RALGAPA1: variants seen among roughly 807,000 people sequenced by gnomAD.
RALGAPA1 encodes the protein ral GTPase-activating protein subunit alpha-1.
Under a neutral mutation model 269.6 loss-of-function variants are expected in RALGAPA1, and 52 were observed. The observed-to-expected ratio is 0.19, with a 90% CI of 0.15 to 0.24. The LOEUF (loss-of-function observed/expected upper bound fraction) is 0.24, where lower values mean the gene tolerates loss of function less well. RALGAPA1 is among the 10% of genes least tolerant of loss of function. The probability of loss-of-function intolerance (pLI) is 1.00; values close to 1 mark genes in which losing one functional copy is unlikely to be tolerated. For missense variants in RALGAPA1, 1,917 were observed against 3,013.9 expected, an observed-to-expected ratio of 0.64 and a Z score of 8.52; for synonymous variants, 817 against 1,008.3, an observed-to-expected ratio of 0.81 and a Z score of 3.60.
intron 4 of RALGAPA1, among the ~76,000 whole-genome samples, chr14:35,765,617 C>T (rs1436511925): frequency 2.0e-5 from 3 of 152,136 alleles, no homozygotes; most frequent in African/African-American, 7.2e-5. Context: ...CCTCTCACCT[C>T]CCCAGTAGCT....
intron 35 of RALGAPA1, among the ~76,000 whole-genome samples, chr14:35,622,628 A>C (rs906988764): frequency 1.3e-5 from 2 of 152,264 alleles, no homozygotes; most frequent in Non-Finnish European, 2.9e-5. Context: ...AGAGCTTAAT[A>C]TTTAATAAAG....
rs139948071 is a variant in RALGAPA1 at position 35,550,890 on chromosome 14, C to A, written c.7497-1656G>T. ...TCAAGGATTTTACATGAGGATAATACGGACATTTTTGAGTCTTAACATAAA... is the reference window on the plus strand; with the variant it reads ...TCAAGGATTTTACATGAGGATAATAAGGACATTTTTGAGTCTTAACATAAA... On this transcript the variant is annotated intron_variant, in intron 39 of 41. Transcript: ENST00000680220. Among the ~76,000 whole-genome samples the A allele has an allele frequency of 3.9e-5, 6 of 152,178 alleles. No homozygotes were observed. In the East Asian group the frequency reaches 5.8e-4, roughly 15 times the overall value.
At chr14:35,752,699 C>T (rs1389227795) in intron 7 of RALGAPA1, among the ~76,000 whole-genome samples, 1 of 151,966 alleles carries the variant, frequency 6.6e-6, no homozygotes, top group African/African-American at 2.4e-5. Flanking sequence ...GGTATGAGAA[C>T]TCTAAGAAGG....
chr14:35,721,869 A>T lies in RALGAPA1; in HGVS notation c.2105-20T>A, dbSNP rs546954679. The T allele has an allele frequency of 2.4e-5, 39 of 1,600,754 alleles. No homozygotes were observed. Among genetic ancestry groups the T allele is most frequent in the Non-Finnish European group, 3.2e-5 (37 of 1,168,122 alleles). ...CAACTCCTGGAAATGTAGATTTTCA[A>T]TCTCAATATACTGTTACTTGATCAA... On this transcript the variant is annotated intron_variant, in intron 15 of 41. Coordinates refer to ENST00000680220, the MANE Select transcript of RALGAPA1 (RefSeq NM_001346249.2).
At chr14:35,672,789 CA>C in intron 25 of RALGAPA1, 77 bp downstream of exon 25, 2 of 1,316,168 alleles carry the variant, frequency 1.5e-6, no homozygotes, top group Admixed American at 6.0e-5. Context: ...CCTTAAAAAG[CA>C]AGAGTTAAAC....
chr14:35,612,814 A>G (rs150863446), intron 35 of RALGAPA1, among the ~76,000 whole-genome samples: 5 of 152,274 alleles, frequency 3.3e-5, no homozygotes, highest in Middle Eastern at 3.4e-3. Flanking sequence ...CGGGGATTAC[A>G]GGTGTGAGCC....
chr14:35,743,976 A>G (rs2071807201), intron 10 of RALGAPA1, among the ~76,000 whole-genome samples: 1 of 152,230 alleles, frequency 6.6e-6, no homozygotes, highest in South Asian at 2.1e-4. Flanking sequence ...AGGGAAAAAT[A>G]AAACAGCAAA....
chr14:35,553,358 T>A (rs1397568790), intron 39 of RALGAPA1, among the ~76,000 whole-genome samples: 1 of 152,216 alleles, frequency 6.6e-6, no homozygotes, highest in African/African-American at 2.4e-5. Flanking sequence ...GGAAACTGAT[T>A]TCTCATGGAG....
intron 18 of RALGAPA1, 69 bp downstream of exon 18, chr14:35,688,390 C>T (rs2066144581): frequency 1.3e-6 from 2 of 1,519,236 alleles, no homozygotes; most frequent in Non-Finnish European, 1.8e-6. Flanking sequence ...TTATAGCTTG[C>T]TTCAGTTGCA....
chr14:35,768,519 G>A (rs980568174), intron 4 of RALGAPA1, among the ~76,000 whole-genome samples: 9 of 151,798 alleles, frequency 5.9e-5, no homozygotes, highest in South Asian at 2.1e-4. Context: ...GCAAGACCCC[G>A]TCTCTACAAA....
chr14:35,597,023 G>T (rs1333529510), intron 36 of RALGAPA1, among the ~76,000 whole-genome samples: 1 of 152,104 alleles, frequency 6.6e-6, no homozygotes, highest in Non-Finnish European at 1.5e-5. Flanking sequence ...TGGCTTCACA[G>T]AAGTTCATTT....
chr14:35,780,127 GAGA>G (rs1258643675), intron 1 of RALGAPA1, among the ~76,000 whole-genome samples: 1 of 151,808 alleles, frequency 6.6e-6, no homozygotes, highest in African/African-American at 2.4e-5. Flanking sequence ...ATTATTGCTA[GAGA>G]AGAAGGACAT....
intron 6 of RALGAPA1, 53 bp downstream of exon 6, chr14:35,760,776 A>G: frequency 7.6e-7 from 1 of 1,320,718 alleles, no homozygotes; most frequent in Non-Finnish European, 1.1e-6. Context: ...ATACACTAAG[A>G]GACTACATAG....
Position 35,688,874 on chromosome 14 carries a change from C to A in RALGAPA1, c.3537G>T (p.Arg1179=). The A allele has an allele frequency of 7.8e-7, 1 of 1,280,204 alleles. No individual in the cohort carries two copies. The highest frequency in any genetic ancestry group is 9.8e-7 in the Non-Finnish European group (1 of 1,016,210). The allele number at this position is 1,280,204 out of a possible 1,614,324, so 79.3% of individuals were successfully genotyped here. A position where few individuals can be genotyped will look rare whatever the true frequency, so the allele number is the denominator to read the frequency against. Residue 1179 remains arginine (R), a synonymous_variant, in exon 18 of 42, where the codon CGG becomes CGT. Coordinates refer to ENST00000680220, the MANE Select transcript of RALGAPA1 (RefSeq NM_001346249.2). ...TACCACTACTAAAGCCACCGAGCTT[C>A]CGCAGTCTCATCTTCCATGGAGCCT... ...NKEAPWKMRL[R]KLGGFSSGSS...
intron 26 of RALGAPA1, among the ~76,000 whole-genome samples, chr14:35,666,679 A>G (rs548874117): frequency 2.0e-5 from 3 of 152,366 alleles, no homozygotes; most frequent in Admixed American, 2.0e-4. Context: ...AAAAATGACT[A>G]TATTCTACAT....
At chr14:35,709,907 G>A (rs1420602149) in intron 16 of RALGAPA1, among the ~76,000 whole-genome samples, 2 of 152,102 alleles carry the variant, frequency 1.3e-5, no homozygotes, top group Non-Finnish European at 2.9e-5. Flanking sequence ...TATTATGTAC[G>A]ATTTCTATTC....
At chr14:35,713,856 G>A (rs1231098081) in intron 16 of RALGAPA1, among the ~76,000 whole-genome samples, 2 of 152,258 alleles carry the variant, frequency 1.3e-5, no homozygotes, top group East Asian at 3.9e-4. Flanking sequence ...AGCACTTTGG[G>A]AGGCCCAGGC....
chr14:35,702,716 A>T (rs1280645908), intron 16 of RALGAPA1, among the ~76,000 whole-genome samples: 2 of 112,434 alleles, frequency 1.8e-5, no homozygotes, highest in Non-Finnish European at 2.0e-5. Flanking sequence ...ACCTTTAATT[A>T]AAAAAAAAAA....
intron 21 of RALGAPA1, 122 bp from the exon 22 acceptor site, chr14:35,678,224 G>A (rs1451099663): frequency 7.0e-6 from 6 of 856,576 alleles, no homozygotes; most frequent in Non-Finnish European, 1.0e-5. Flanking sequence ...GTTATAAACT[G>A]GCCAGGGAGG....
Sources: allele counts gnomAD v4.1 joint callset (sites outside exome capture counted in the v4.1 genomes callset), GRCh38; gene constraint gnomAD v4.1.1; transcripts MANE v1.5; gene names NCBI Gene and HGNC (gene_info 2026-07-23, HGNC 2026-07-21).